TRAPPC9: variants seen among roughly 807,000 people sequenced by gnomAD.
TRAPPC9 encodes trafficking protein particle complex subunit 9.
Under a neutral mutation model 124.0 loss-of-function variants are expected in TRAPPC9, and 83 were observed. That is an observed-to-expected ratio of 0.67 (90% confidence interval 0.56 to 0.80). TRAPPC9 has a LOEUF of 0.80. TRAPPC9 is among the 30% of genes least tolerant of loss of function. TRAPPC9 has a pLI of 0.00. For missense variants in TRAPPC9, 1,302 were observed against 1,508.3 expected (o/e 0.86, Z 2.27); for synonymous variants, 638 against 617.5 (o/e 1.03, Z -0.49).
chr8:139,801,820 G>A (rs1823550563), intron 21 of TRAPPC9, among the ~76,000 whole-genome samples: 1 of 152,112 alleles, frequency 6.6e-6, no homozygotes, highest in Admixed American at 6.6e-5. Context: ...CTAATAAATG[G>A]GATTTGCGGA....
At chr8:139,994,940 T>C (rs536171637) in intron 18 of TRAPPC9, among the ~76,000 whole-genome samples, 6 of 151,558 alleles carry the variant, frequency 4.0e-5, no homozygotes, top group African/African-American at 1.2e-4. Flanking sequence ...GGAAGGTATT[T>C]TGAGAGTTTT....
At chr8:139,954,670 G>A (rs764100616) in intron 19 of TRAPPC9, among the ~76,000 whole-genome samples, 2 of 152,228 alleles carry the variant, frequency 1.3e-5, no homozygotes, top group Non-Finnish European at 2.9e-5. Flanking sequence ...TTGCGTTTGT[G>A]TCTTTGGCTG....
intron 21 of TRAPPC9, among the ~76,000 whole-genome samples, chr8:139,845,935 C>A (rs10111448): frequency 3.0e-4 from 45 of 152,130 alleles, no homozygotes; most frequent in African/African-American, 1.1e-3. Context: ...TGGGTCAGAG[C>A]GGTGGAGGAG....
At chr8:140,423,815 C>T (rs1267883689) in intron 5 of TRAPPC9, among the ~76,000 whole-genome samples, 2 of 151,894 alleles carry the variant, frequency 1.3e-5, no homozygotes, top group South Asian at 2.1e-4. Flanking sequence ...CATACTGACA[C>T]GTGCTATACG....
intron 20 of TRAPPC9, among the ~76,000 whole-genome samples, chr8:139,894,561 A>AGG (rs138961172): frequency 6.6e-6 from 1 of 151,342 alleles, no homozygotes; most frequent in African/African-American, 2.4e-5. Context: ...CAGCGGAGGG[A>AGG]GGGGGGGGCT....
chr8:140,044,756 T>C (rs1841481463), intron 17 of TRAPPC9, among the ~76,000 whole-genome samples: 1 of 152,184 alleles, frequency 6.6e-6, no homozygotes, highest in Non-Finnish European at 1.5e-5. Context: ...ATGGAAACCT[T>C]ATAGTCCCGC....
At chr8:139,814,898 G>C (rs939591260) in intron 21 of TRAPPC9, among the ~76,000 whole-genome samples, 2 of 152,206 alleles carry the variant, frequency 1.3e-5, no homozygotes, top group Non-Finnish European at 2.9e-5. Flanking sequence ...TCTGGAAAAC[G>C]ATGCTGCTAG....
At position 140,104,028 on chromosome 8, in the gene TRAPPC9, C is replaced by T. The variant is rs73727506; in HGVS notation, c.2557-79949G>A. ...ATTGGCATGCATCTCTAAATCCAGA[C>T]GCTGGACCATCCCTTTGCTTCCTAT... On this transcript the variant is annotated intron_variant, in intron 17 of 22. Coordinates refer to ENST00000438773, the MANE Select transcript of TRAPPC9 (RefSeq NM_001160372.4). This position sits in a 1 kb window ranked among gnomAD's most constrained non-coding sequence, Gnocchi z 4.0. Among the ~76,000 whole-genome samples the T allele has an allele frequency of 0.067, 10,249 of 152,240 alleles. 412 individuals are homozygous for T. The highest frequency in any genetic ancestry group is 0.12 in the Middle Eastern group (36 of 294).
At chr8:140,457,237 G>C (rs951916136) in intron 1 of TRAPPC9, among the ~76,000 whole-genome samples, 1 of 152,172 alleles carries the variant, frequency 6.6e-6, no homozygotes, top group Non-Finnish European at 1.5e-5. Flanking sequence ...GGGGCGGGGG[G>C]CTCCAGCGCC....
chr8:140,105,813 C>T (rs886857442), intron 17 of TRAPPC9, among the ~76,000 whole-genome samples: 22 of 152,116 alleles, frequency 1.4e-4, no homozygotes, highest in African/African-American at 5.3e-4. Context: ...AGACTGCATG[C>T]AGTCTGAATC....
intron 18 of TRAPPC9, among the ~76,000 whole-genome samples, chr8:140,005,109 G>A (rs1207595455): frequency 3.3e-5 from 5 of 152,140 alleles, no homozygotes; most frequent in African/African-American, 7.2e-5. Flanking sequence ...GTAACCTCAC[G>A]CTTACCTCTG....
At chr8:139,734,743 C>G (rs1359517095) in intron 21 of TRAPPC9, among the ~76,000 whole-genome samples, 1 of 152,264 alleles carries the variant, frequency 6.6e-6, no homozygotes, top group African/African-American at 2.4e-5. Flanking sequence ...AGAAGGAACG[C>G]TCAGCCAAGA....
At chr8:139,970,587 G>A (rs541666561) in intron 19 of TRAPPC9, among the ~76,000 whole-genome samples, 3 of 152,180 alleles carry the variant, frequency 2.0e-5, no homozygotes, top group Non-Finnish European at 4.4e-5. Context: ...GCTTCCCTCC[G>A]CCTTTCCCAG....
chr8:139,899,963 G>A (rs1830917134), intron 20 of TRAPPC9, among the ~76,000 whole-genome samples: 1 of 152,142 alleles, frequency 6.6e-6, no homozygotes, highest in African/African-American at 2.4e-5. Flanking sequence ...AACCAAATGT[G>A]TTCTAGATGT....
chr8:140,329,449 G>A (rs2131991087), intron 9 of TRAPPC9, among the ~76,000 whole-genome samples: 3 of 152,340 alleles, frequency 2.0e-5, no homozygotes, highest in Middle Eastern at 6.8e-3. Context: ...GGCATTTCAA[G>A]CACACACGAC....
intron 19 of TRAPPC9, among the ~76,000 whole-genome samples, chr8:139,972,996 T>C (rs1836203813): frequency 6.6e-6 from 1 of 152,104 alleles, no homozygotes. Flanking sequence ...CACGTTCTCA[T>C]TCCTGCCCCC....
Position 140,451,017 on chromosome 8 carries a change from C to G in TRAPPC9, c.357G>C (p.Gly119=), listed in dbSNP as rs34457678. The G allele has an allele frequency of 6.2e-7, 1 of 1,614,026 alleles. No individual in the cohort carries two copies. ...TLYDSRLFVF[G]LQGEIVEQPR... ...GCTGCTCCACGATCTCCCCCTGCAG[C>G]CCGAAGACAAAGAGCCGGGAGTCAT... The change falls in exon 2 of 23, where the codon GGG becomes GGC. Residue 119 remains glycine (G), a synonymous_variant. Coordinates refer to ENST00000438773, the MANE Select transcript of TRAPPC9 (RefSeq NM_001160372.4).
chr8:140,247,219 G>A (rs1449081542), intron 16 of TRAPPC9, among the ~76,000 whole-genome samples: 1 of 152,192 alleles, frequency 6.6e-6, no homozygotes, highest in African/African-American at 2.4e-5. Flanking sequence ...AAGAAATCAT[G>A]AGAATTTAAT....
chr8:140,408,903 A>G (rs2069593016), intron 5 of TRAPPC9, among the ~76,000 whole-genome samples: 1 of 152,200 alleles, frequency 6.6e-6, no homozygotes. Context: ...ACCATAGTTC[A>G]AAAAACACAG....
Sources: gnomAD v4.1 joint callset for allele counts (sites outside exome capture counted in the v4.1 genomes callset) on GRCh38, gnomAD v4.1.1 for gene constraint, Gnocchi (gnomAD v3.1) non-coding constraint, MANE v1.5 for transcripts, NCBI Gene and HGNC (gene_info 2026-07-23, HGNC 2026-07-21) for gene names.